The following THADA variants were observed in gnomAD, a reference collection of about 807,000 sequenced individuals.
THADA encodes the protein THADA armadillo repeat containing, also known as tRNA (32-2'-O)-methyltransferase regulator THADA.
In THADA, 213 loss-of-function variants were observed where a neutral mutation model predicts 219.8. That is an observed-to-expected ratio of 0.97 (90% CI 0.87 to 1.09). The LOEUF is 1.09. Among genes scored for constraint, THADA ranks in the 50% least tolerant of loss-of-function variants. THADA has a pLI of 0.00. For synonymous variants in THADA, 1,018 were observed against 828.9 expected, an observed-to-expected ratio of 1.23 and a Z score of -3.92; for missense variants, 2,956 against 2,311.3, an observed-to-expected ratio of 1.28 and a Z score of -5.72.
At chr2:43,469,854 T>C (rs964075706) in intron 26 of THADA, among the ~76,000 whole-genome samples, 3 of 152,298 alleles carry the variant, frequency 2.0e-5, no homozygotes, top group South Asian at 2.1e-4. Context: ...CTTTAGACTG[T>C]AGGCAACAGA....
intron 26 of THADA, among the ~76,000 whole-genome samples, chr2:43,468,082 T>C (rs1177534962): frequency 6.6e-6 from 1 of 152,252 alleles, no homozygotes; most frequent in Non-Finnish European, 1.5e-5. Flanking sequence ...GATCATAGCA[T>C]CTGTCACTAG....
At chr2:43,435,059 G>T (rs1174577273) in intron 26 of THADA, among the ~76,000 whole-genome samples, 1 of 152,140 alleles carries the variant, frequency 6.6e-6, no homozygotes, top group Non-Finnish European at 1.5e-5. Flanking sequence ...CCTTGTGAGG[G>T]GGACTCACAC....
chr2:43,264,738 A>G (rs1370267957), intron 36 of THADA, among the ~76,000 whole-genome samples: 4 of 152,098 alleles, frequency 2.6e-5, no homozygotes, highest in African/African-American at 2.4e-5. Flanking sequence ...AGCCTGGGGG[A>G]AAAAAGAGGG....
At chr2:43,517,751 C>T (rs1426878991) in intron 22 of THADA, among the ~76,000 whole-genome samples, 1 of 152,032 alleles carries the variant, frequency 6.6e-6, no homozygotes, top group Non-Finnish European at 1.5e-5. Context: ...ATGTGTGTAC[C>T]ATTTCCAAGA....
chr2:43,337,860 T>C (rs1162888198), intron 30 of THADA, among the ~76,000 whole-genome samples: 1 of 152,196 alleles, frequency 6.6e-6, no homozygotes, highest in Admixed American at 6.5e-5. Flanking sequence ...TCAAAAATGA[T>C]GTTTTCAAAG....
chr2:43,545,483 G>A (rs959375545), intron 20 of THADA, among the ~76,000 whole-genome samples: 14 of 152,098 alleles, frequency 9.2e-5, no homozygotes, highest in Admixed American at 3.9e-4. Flanking sequence ...GGTAGAATTC[G>A]GCTGTGAATC....
At position 43,287,156 on chromosome 2, in the gene THADA, T is replaced by A. The variant is rs1674130379; in HGVS notation, c.5011-95A>T. On this transcript the variant is annotated intron_variant, in intron 34 of 37. Coordinates refer to ENST00000405975, the MANE Select transcript of THADA (RefSeq NM_022065.5). The stretch of plus-strand genomic sequence containing the variant: ...ACCTACACCAAACTGGGCCTGTAGA[T>A]TAGCTCTTAGCTCAATGGGAAGAAA... The A allele has an allele frequency of 2.7e-6, 3 of 1,091,298 alleles. No homozygotes were observed. In the Admixed American group the frequency reaches 8.2e-5, roughly 30 times the overall value. The allele number at this position is 1,091,298 out of a possible 1,614,324, so 67.6% of individuals were successfully genotyped here. A position where few individuals can be genotyped will look rare whatever the true frequency, so the allele number is the denominator to read the frequency against.
chr2:43,556,638 C>CT, intron 16 of THADA, 83 bp from the exon 17 acceptor site: 2 of 1,346,394 alleles, frequency 1.5e-6, no homozygotes, highest in Non-Finnish European at 2.0e-6. Flanking sequence ...AAAACACAGC[C>CT]TGGAGCTGAG....
intron 20 of THADA, among the ~76,000 whole-genome samples, chr2:43,548,076 T>G (rs1301299026): frequency 6.6e-6 from 1 of 152,190 alleles, no homozygotes; most frequent in African/African-American, 2.4e-5. Flanking sequence ...TTAGTTTTCC[T>G]TCTAACAGAC....
At chr2:43,318,625 T>C (rs1266806812) in intron 31 of THADA, among the ~76,000 whole-genome samples, 1 of 152,184 alleles carries the variant, frequency 6.6e-6, no homozygotes, top group Non-Finnish European at 1.5e-5. Context: ...TTTAGAGCTA[T>C]GGTTGTCATA....
chr2:43,264,518 C>T lies in THADA; in HGVS notation c.5296+15247G>A, dbSNP rs1558486936. Among the ~76,000 whole-genome samples, 3 of 152,110 alleles carry T rather than the reference C, an allele frequency of 2.0e-5. No homozygotes were observed. The South Asian group carries it at 6.2e-4, about 31-fold the overall frequency. On this transcript the variant is annotated intron_variant, in intron 36 of 37. Transcript: ENST00000405975. The stretch of plus-strand genomic sequence containing the variant: ...CAAGCTGGTCTCGAACTCCTGACCT[C>T]AGGTGATCCGCCCACCTCTGCCTCC...
chr2:43,391,303 GC>G (rs1673357010), intron 29 of THADA, among the ~76,000 whole-genome samples: 1 of 152,064 alleles, frequency 6.6e-6, no homozygotes, highest in Non-Finnish European at 1.5e-5. Context: ...AGTTTCACTT[GC>G]CCCTGACTGA....
chr2:43,380,826 C>A (rs1030213611), intron 29 of THADA, among the ~76,000 whole-genome samples: 1 of 152,042 alleles, frequency 6.6e-6, no homozygotes, highest in Non-Finnish European at 1.5e-5. Context: ...TGGCTGGATG[C>A]GGTGGCTCAC....
At chr2:43,439,274 GGAGAGA>G (rs142145643) in intron 26 of THADA, among the ~76,000 whole-genome samples, 12,696 of 151,822 alleles carry the variant, frequency 0.084, 582 homozygotes, top group South Asian at 0.14. Context: ...TGAGAGAGAC[GGAGAGA>G]GAGAGAGAAA....
chr2:43,522,264 GA>G (rs1488299103), intron 22 of THADA, among the ~76,000 whole-genome samples: 1 of 152,186 alleles, frequency 6.6e-6, no homozygotes, highest in African/African-American at 2.4e-5. Flanking sequence ...AATCCTGTTA[GA>G]AAGCTACATA....
intron 28 of THADA, among the ~76,000 whole-genome samples, chr2:43,403,828 C>T (rs1487040377): frequency 6.6e-6 from 1 of 151,994 alleles, no homozygotes; most frequent in Non-Finnish European, 1.5e-5. Context: ...CCCACACCCC[C>T]AACACACCCC....
At chr2:43,394,694 C>G (rs1673813371) in intron 29 of THADA, among the ~76,000 whole-genome samples, 1 of 152,186 alleles carries the variant, frequency 6.6e-6, no homozygotes, top group Non-Finnish European at 1.5e-5. Context: ...TAAAGAACCA[C>G]AGGATGGACA....
chr2:43,292,079 T>C, intron 33 of THADA, 25 bp downstream of exon 33: 1 of 1,500,160 alleles, frequency 6.7e-7, no homozygotes. Context: ...TTACCAAGGT[T>C]GCACAGGAGG....
chr2:43,256,198 G>C (rs767777906), intron 36 of THADA, among the ~76,000 whole-genome samples: 17 of 152,090 alleles, frequency 1.1e-4, no homozygotes, highest in Non-Finnish European at 2.5e-4. Flanking sequence ...TGAAGAAAAG[G>C]CTTCTCTAAC....
Sources: gnomAD v4.1 joint callset for allele counts (sites outside exome capture counted in the v4.1 genomes callset) on GRCh38, gnomAD v4.1.1 for gene constraint, MANE v1.5 for transcripts, NCBI Gene and HGNC (gene_info 2026-07-23, HGNC 2026-07-21) for gene names.